The following FHOD3 variants were observed in gnomAD, a reference collection of about 807,000 sequenced individuals.
The protein encoded by FHOD3 is FH1/FH2 domain-containing protein 3.
FHOD3 carries 90 observed loss-of-function variants against 173.0 expected under a neutral mutation model. The ratio of observed to expected loss-of-function variants is 0.52; its 90% confidence interval spans 0.44 to 0.62. The LOEUF is 0.62. Ranked by LOEUF, FHOD3 falls within the 20% of genes least tolerant of loss-of-function variation. The pLI is 0.00. For synonymous variants in FHOD3, 828 were observed against 823.0 expected, an observed-to-expected ratio of 1.01 and a Z score of -0.10; for missense variants, 1,945 against 2,034.7, an observed-to-expected ratio of 0.96 and a Z score of 0.85.
chr18:36,364,788 C>A (rs561355256), intron 2 of FHOD3, among the ~76,000 whole-genome samples: 2 of 152,272 alleles, frequency 1.3e-5, no homozygotes, highest in South Asian at 4.1e-4. Flanking sequence ...GAAGAGAGGA[C>A]ATTTCAAAGA....
chr18:36,489,991 G>A (rs979149474), intron 3 of FHOD3, among the ~76,000 whole-genome samples: 5 of 152,100 alleles, frequency 3.3e-5, no homozygotes, highest in Non-Finnish European at 7.3e-5. Flanking sequence ...TGGCTGCCTC[G>A]GGGCAGTTGT....
At chr18:36,649,248 G>T (rs543523098) in intron 10 of FHOD3, 68 bp from the exon 11 acceptor site, 6 of 1,028,610 alleles carry the variant, frequency 5.8e-6, no homozygotes, top group South Asian at 4.5e-5. Flanking sequence ...CTTCCTGTTT[G>T]TCTGTAATGC....
In FHOD3 at chr18:36,681,531, G is replaced by A. The variant is rs1390566724; in HGVS notation, c.1931G>A (p.Arg644Lys). The change falls in exon 15 of 29, where the codon AGG becomes AAG. Residue 644 changes from arginine (R) to lysine (K), a missense_variant. By Grantham distance (26) the Arg-to-Lys change is conservative. Around this residue, in one of 5 missense-constraint regions of FHOD3, gnomAD observed 1,099 missense variants for 1,051.2 expected, o/e 1.05. Coordinates refer to ENST00000590592, the MANE Select transcript of FHOD3 (RefSeq NM_001281740.3). ...AGGCGGCGGCAGGAGAGAGAAGAAAGGTTGCAGAGAATAGAGCGGGAAGAA... is the reference window on the plus strand; with the variant it reads ...AGGCGGCGGCAGGAGAGAGAAGAAAAGTTGCAGAGAATAGAGCGGGAAGAA... Reference protein sequence around the residue: ...RERRRQEREERLQRIEREERN... With the variant: ...RERRRQEREEKLQRIEREERN... The A allele has an allele frequency of 1.9e-6, 3 of 1,613,848 alleles. No homozygotes were observed. The highest frequency in any genetic ancestry group is 2.2e-5 in the East Asian group (1 of 44,870).
chr18:36,638,555 G>A (rs1237807764), intron 10 of FHOD3, among the ~76,000 whole-genome samples: 1 of 152,166 alleles, frequency 6.6e-6, no homozygotes, highest in East Asian at 1.9e-4. Context: ...CAGGGACATA[G>A]GTCGTGGCTA....
In FHOD3 at chr18:36,779,432, T is replaced by C; in HGVS notation, c.4787-16T>C. On this transcript the variant is annotated splice_polypyrimidine_tract_variant and intron_variant, in intron 28 of 28. Coordinates refer to ENST00000590592, the MANE Select transcript of FHOD3 (RefSeq NM_001281740.3). ...TCTTCTCATCCCTTTGGGTGTGACC[T>C]GCACCACCACTGCAGTGCGAAGAAC... 4 of 1,613,318 alleles carry C rather than the reference T, an allele frequency of 2.5e-6. No individual in the cohort carries two copies. The highest frequency in any genetic ancestry group is 3.4e-6 in the Non-Finnish European group (4 of 1,179,270).
At chr18:36,740,934 C>A in intron 21 of FHOD3, 96 bp downstream of exon 21, 2 of 1,226,594 alleles carry the variant, frequency 1.6e-6, no homozygotes, top group Admixed American at 2.6e-5. Flanking sequence ...AAATATCATT[C>A]TTGGCATAGG....
intron 8 of FHOD3, among the ~76,000 whole-genome samples, chr18:36,603,806 A>G (rs2031727917): frequency 6.6e-6 from 1 of 152,158 alleles, no homozygotes; most frequent in African/African-American, 2.4e-5. Context: ...GCCTGGCCAA[A>G]ATTATTTTTT....
chr18:36,603,085 A>G (rs2031609290), intron 8 of FHOD3, among the ~76,000 whole-genome samples: 1 of 152,222 alleles, frequency 6.6e-6, no homozygotes, highest in African/African-American at 2.4e-5. Context: ...GACTTCCTGT[A>G]GAGCCTTCAG....
At chr18:36,489,991 G>T (rs979149474) in intron 3 of FHOD3, among the ~76,000 whole-genome samples, 19 of 152,100 alleles carry the variant, frequency 1.2e-4, no homozygotes, top group African/African-American at 4.3e-4. Context: ...TGGCTGCCTC[G>T]GGGCAGTTGT....
chr18:36,461,454 T>G (rs2052552497), intron 3 of FHOD3, among the ~76,000 whole-genome samples: 1 of 146,106 alleles, frequency 6.8e-6, no homozygotes, highest in African/African-American at 2.6e-5. Flanking sequence ...TTTTTTTGTG[T>G]GTGTGTTTTT....
chr18:36,604,224 C>T (rs368615680), intron 8 of FHOD3, among the ~76,000 whole-genome samples: 12 of 152,186 alleles, frequency 7.9e-5, no homozygotes, highest in African/African-American at 2.7e-4. Context: ...CTTACACGCT[C>T]ATGCTGGGTG....
At chr18:36,478,097 G>A (rs1298894101) in intron 3 of FHOD3, among the ~76,000 whole-genome samples, 1 of 152,154 alleles carries the variant, frequency 6.6e-6, no homozygotes, top group African/African-American at 2.4e-5. Flanking sequence ...TGATGGTAGT[G>A]GGGGTGTCAT....
At chr18:36,566,256 T>A (rs2058258772) in intron 5 of FHOD3, among the ~76,000 whole-genome samples, 1 of 152,240 alleles carries the variant, frequency 6.6e-6, no homozygotes, top group South Asian at 2.1e-4. Context: ...TAATTTGGTA[T>A]CGGATCCTTG....
At chr18:36,774,212 A>G (rs904787341) in intron 28 of FHOD3, among the ~76,000 whole-genome samples, 5 of 152,228 alleles carry the variant, frequency 3.3e-5, no homozygotes, top group African/African-American at 1.2e-4. Context: ...CTAGGAACCA[A>G]AAAGAGTCTT....
chr18:36,468,993 A>G (rs576883935), intron 3 of FHOD3, among the ~76,000 whole-genome samples: 4 of 152,258 alleles, frequency 2.6e-5, no homozygotes, highest in Admixed American at 6.5e-5. Context: ...ACAAGCAAAC[A>G]CTTGTGTCAG....
rs112865620 is a variant in FHOD3 at position 36,613,985 on chromosome 18, T to A, written c.957+1890T>A. Among the ~76,000 whole-genome samples the A allele has an allele frequency of 4.9e-3, 748 of 152,278 alleles. 8 individuals carry two copies. The highest frequency in any genetic ancestry group is 0.018 in the South Asian group (85 of 4,826). The stretch of plus-strand genomic sequence containing the variant: ...ACTGTGCCTGACCCTGGTTGTTTTT[T>A]CGTTTTGTTTTGCCCTCCACCCATC... On this transcript the variant is annotated intron_variant, in intron 9 of 28. Coordinates refer to ENST00000590592, the MANE Select transcript of FHOD3 (RefSeq NM_001281740.3).
At chr18:36,649,869 A>G (rs139083236) in intron 11 of FHOD3, among the ~76,000 whole-genome samples, 392 of 152,324 alleles carry the variant, frequency 2.6e-3, no homozygotes, top group African/African-American at 9.1e-3. Context: ...TTTTATATCC[A>G]AACAGGAAAA....
rs142078651 is a variant in FHOD3 at position 36,668,828 on chromosome 18, A to G, written c.1835+10640A>G. ...TGTTACTGATTTCTAATTTAATAAA[A>G]TTGCGGTCAGAGAACATATGTTGTA... On this transcript the variant is annotated intron_variant, in intron 14 of 28. Transcript: ENST00000590592. Among the ~76,000 whole-genome samples the G allele has an allele frequency of 1.4e-4, 21 of 152,182 alleles. No individual in the cohort carries two copies. The East Asian group carries it at 2.9e-3, about 21-fold the overall frequency.
rs973316058 is a variant in FHOD3, at chr18:36,418,357, A to G, written c.337+45613A>G. 7.2e-5 allele frequency among the ~76,000 whole-genome samples: 11 copies of G among 152,324 alleles called. No homozygotes were observed. The South Asian group carries it at 2.3e-3, about 32-fold the overall frequency. On this transcript the variant is annotated intron_variant, in intron 3 of 28. Coordinates refer to ENST00000590592, the MANE Select transcript of FHOD3 (RefSeq NM_001281740.3). ...TTTAGGGGTGGAAAGTTTGAATACAATGCTTTATTCTCTCATTGAAATTTT... is the reference window on the plus strand; with the variant it reads ...TTTAGGGGTGGAAAGTTTGAATACAGTGCTTTATTCTCTCATTGAAATTTT...
Sources: allele counts gnomAD v4.1 joint callset (sites outside exome capture counted in the v4.1 genomes callset), GRCh38; gene constraint gnomAD v4.1.1; regional missense constraint gnomAD v4.1.1; transcripts MANE v1.5; gene names NCBI Gene and HGNC (gene_info 2026-07-23, HGNC 2026-07-21).